JPH1: variants seen among roughly 807,000 people sequenced by gnomAD.
JPH1 encodes junctophilin 1.
In JPH1, 12 loss-of-function variants were observed where a neutral mutation model predicts 53.6. The ratio of observed to expected loss-of-function variants is 0.22; its 90% CI spans 0.14 to 0.36. JPH1 has a LOEUF of 0.36. JPH1 is among the 10% of genes least tolerant of loss of function. The probability of loss-of-function intolerance (pLI) is 1.00; values close to 1 mark genes in which losing one functional copy is unlikely to be tolerated. For missense variants in JPH1, 808 were observed against 905.5 expected (o/e 0.89, Z 1.38); for synonymous variants, 375 against 363.8 (o/e 1.03, Z -0.35).
At chr8:74,258,321 C>T (rs13439510) in intron 3 of JPH1, among the ~76,000 whole-genome samples, 4,947 of 152,114 alleles carry the variant, frequency 0.033, 264 homozygotes, top group African/African-American at 0.11. Context: ...CAAACAATCA[C>T]GGAGAATATA....
chr8:74,242,896 T>C (rs1256831818), intron 4 of JPH1, among the ~76,000 whole-genome samples: 1 of 152,250 alleles, frequency 6.6e-6, no homozygotes, highest in Non-Finnish European at 1.5e-5. Flanking sequence ...ATGAGGAGGC[T>C]GTGAATTTAC....
In JPH1 at chr8:74,320,815, C is replaced by G. The variant is rs888122342; in HGVS notation, c.379+94G>C. The G allele has an allele frequency of 7.4e-7, 1 of 1,356,808 alleles. No individual in the cohort carries two copies. Among genetic ancestry groups the G allele is most frequent in the Non-Finnish European group, 9.6e-7 (1 of 1,046,024 alleles). The allele number at this position is 1,356,808 out of a possible 1,614,324, so 84.0% of individuals were successfully genotyped here. On this transcript the variant is annotated intron_variant, in intron 1 of 5. Coordinates refer to ENST00000342232, the MANE Select transcript of JPH1 (RefSeq NM_020647.4). The surrounding 1 kb of genome is among the most constrained non-coding windows in gnomAD (Gnocchi z 4.4). ...AGGTGTTTTGGCGGGTTTCCGGACA[C>G]GTGCGCCCGGCGTCCTCCCCGCTTC...
intron 2 of JPH1, among the ~76,000 whole-genome samples, chr8:74,310,728 C>A (rs1285348033): frequency 6.6e-6 from 1 of 152,158 alleles, no homozygotes; most frequent in Non-Finnish European, 1.5e-5. Flanking sequence ...TGTTCTGTGT[C>A]TCCTGGAGAC....
chr8:74,254,002 C>G (rs1370628998), intron 3 of JPH1, among the ~76,000 whole-genome samples: 1 of 150,592 alleles, frequency 6.6e-6, no homozygotes, highest in African/African-American at 2.5e-5. Context: ...GAAACCATTC[C>G]AATCAATAGA....
chr8:74,239,972 T>C (rs967936554), intron 4 of JPH1, among the ~76,000 whole-genome samples: 1 of 152,118 alleles, frequency 6.6e-6, no homozygotes, highest in African/African-American at 2.4e-5. Context: ...TTATACTCTT[T>C]TAGTTATTTT....
rs1207983654 is a variant in JPH1, at chr8:74,321,002, C to A, written c.286G>T (p.Val96Phe). Residue 96 changes from valine to phenylalanine, a missense_variant, in exon 1 of 6, where the codon GTC becomes TTC. By Grantham distance (50) the Val-to-Phe change is conservative (BLOSUM62 -1). Around this residue, in one of 2 missense-constraint regions of JPH1, gnomAD observed 756 missense variants for 811.9 expected, o/e 0.93. Transcript: ENST00000342232. The surrounding 1 kb of genome is among the most constrained non-coding windows in gnomAD (Gnocchi z 4.3). ...GCGGGGGTGCACAGGCTCTGCCGGACCCCGTAGCGCCCCTTGAAACCATGT... is the reference window on the plus strand; with the variant it reads ...GCGGGGGTGCACAGGCTCTGCCGGAACCCGTAGCGCCCCTTGAAACCATGT... ...WSHGFKGRYG[V>F]RQSLCTPARY... The A allele has an allele frequency of 6.2e-7, 1 of 1,612,700 alleles. No individual in the cohort carries two copies. Among genetic ancestry groups the A allele is most frequent in the African/African-American group, 1.3e-5 (1 of 74,840 alleles).
rs996181384 is a variant in JPH1 at position 74,235,956 on chromosome 8, A to C, written c.*1095T>G. The C allele has an allele frequency of 1.3e-5, 2 of 152,240 alleles. No homozygotes were observed. Among genetic ancestry groups the C allele is most frequent in the Non-Finnish European group, 2.9e-5 (2 of 68,030 alleles). The allele number at this position is 152,240 out of a possible 1,614,324, so 9.4% of individuals were successfully genotyped here. A position where few individuals can be genotyped will look rare whatever the true frequency, so the allele number is the denominator to read the frequency against. The stretch of plus-strand genomic sequence containing the variant: ...CAGTTTATTAATAGCATCTTGCTTA[A>C]CTTTCATGGGAATTAACACAGCCAC... On this transcript the variant is annotated 3_prime_UTR_variant, in exon 6 of 6. Transcript: ENST00000342232.
At chr8:74,285,690 C>A (rs564714768) in intron 2 of JPH1, among the ~76,000 whole-genome samples, 3 of 152,302 alleles carry the variant, frequency 2.0e-5, no homozygotes, top group African/African-American at 7.2e-5. Context: ...TGTGCTCAGA[C>A]CCCCTGGGGA....
intron 2 of JPH1, among the ~76,000 whole-genome samples, chr8:74,291,830 G>A (rs1344675251): frequency 1.3e-5 from 2 of 152,144 alleles, no homozygotes; most frequent in Admixed American, 1.3e-4. Flanking sequence ...TATACACCAT[G>A]GAATACTATG....
At chr8:74,248,232 C>A (rs1805920861) in intron 3 of JPH1, among the ~76,000 whole-genome samples, 1 of 152,140 alleles carries the variant, frequency 6.6e-6, no homozygotes, top group Non-Finnish European at 1.5e-5. Flanking sequence ...TCTGATGATA[C>A]TCAAAAATGA....
At chr8:74,244,486 C>T in intron 4 of JPH1, 43 bp downstream of exon 4, 2 of 1,547,132 alleles carry the variant, frequency 1.3e-6, no homozygotes, top group Non-Finnish European at 1.7e-6. Context: ...CTGAAAGAAA[C>T]AAAGGGAAGA....
intron 2 of JPH1, among the ~76,000 whole-genome samples, chr8:74,292,583 C>T (rs1246918337): frequency 6.6e-6 from 1 of 152,152 alleles, no homozygotes; most frequent in African/African-American, 2.4e-5. Flanking sequence ...CCTAAACAGA[C>T]ACACTTACAA....
At chr8:74,249,480 G>A (rs780644371) in intron 3 of JPH1, among the ~76,000 whole-genome samples, 1 of 152,174 alleles carries the variant, frequency 6.6e-6, no homozygotes, top group Non-Finnish European at 1.5e-5. Flanking sequence ...CACAGCCATA[G>A]TGCTCTGGTC....
intron 2 of JPH1, among the ~76,000 whole-genome samples, chr8:74,269,344 T>G (rs1806632197): frequency 6.6e-6 from 1 of 151,458 alleles, no homozygotes; most frequent in Non-Finnish European, 1.5e-5. Flanking sequence ...TAAGGAATGT[T>G]AAAACATTAG....
At chr8:74,319,713 G>A (rs560030893) in intron 1 of JPH1, among the ~76,000 whole-genome samples, 44 of 152,318 alleles carry the variant, frequency 2.9e-4, no homozygotes, top group South Asian at 6.2e-4. Flanking sequence ...GTGGGCTGGA[G>A]AAACTTTTAA....
chr8:74,299,065 T>G (rs1413354300), intron 2 of JPH1, among the ~76,000 whole-genome samples: 1 of 152,160 alleles, frequency 6.6e-6, no homozygotes, highest in Non-Finnish European at 1.5e-5. Flanking sequence ...GAGGGGGTTT[T>G]TTTCTCCTCG....
At chr8:74,316,703 C>G (rs1162712307) in intron 1 of JPH1, among the ~76,000 whole-genome samples, 1 of 152,116 alleles carries the variant, frequency 6.6e-6, no homozygotes, top group Non-Finnish European at 1.5e-5. Context: ...AAATATTATG[C>G]TTTTTCATGA....
chr8:74,318,952 A>G (rs1161848314), intron 1 of JPH1, among the ~76,000 whole-genome samples: 1 of 152,114 alleles, frequency 6.6e-6, no homozygotes, highest in Non-Finnish European at 1.5e-5. Context: ...GACATTCAGT[A>G]GTGATTTTTA....
At chr8:74,306,844 G>A (rs149317571) in intron 2 of JPH1, among the ~76,000 whole-genome samples, 3,304 of 151,960 alleles carry the variant, frequency 0.022, 115 homozygotes, top group African/African-American at 0.075. Context: ...GGATCCGCCC[G>A]CCTCGGCCTC....
Sources: gnomAD v4.1 joint callset for allele counts (sites outside exome capture counted in the v4.1 genomes callset) on GRCh38, gnomAD v4.1.1 for gene constraint, gnomAD v4.1.1 regional missense constraint, Gnocchi (gnomAD v3.1) non-coding constraint, MANE v1.5 for transcripts, NCBI Gene and HGNC (gene_info 2026-07-23, HGNC 2026-07-21) for gene names.